The following LINGO2 variants were observed in gnomAD, a reference collection of about 807,000 sequenced individuals.
LINGO2 encodes leucine rich repeat and Ig domain containing 2.
Under a neutral mutation model 30.6 loss-of-function variants are expected in LINGO2, and 14 were observed. The ratio of observed to expected loss-of-function variants is 0.46; its 90% confidence interval spans 0.30 to 0.72. LINGO2 has a LOEUF of 0.72. LINGO2 is among the 30% of genes least tolerant of loss of function. The pLI is 0.07. For synonymous variants in LINGO2, 317 were observed against 288.5 expected, an observed-to-expected ratio of 1.10 and a Z score of -1.00; for missense variants, 729 against 751.7, an observed-to-expected ratio of 0.97 and a Z score of 0.35.
the LINGO2 span, among the ~76,000 whole-genome samples, chr9:28,716,173 C>A: frequency 1.3e-5 from 2 of 148,404 alleles, no homozygotes. Flanking sequence ...AAAAAAAAAA[C>A]AACATAAACA....
At chr9:29,048,584 G>A in the LINGO2 span, among the ~76,000 whole-genome samples, 1 of 152,046 alleles carries the variant, frequency 6.6e-6, no homozygotes, top group Non-Finnish European at 1.5e-5. Context: ...TACAGAGCTA[G>A]AGTAACCAAA....
At chr9:28,648,419 T>G (rs944329706) in intron 1 of LINGO2, among the ~76,000 whole-genome samples, 2 of 152,098 alleles carry the variant, frequency 1.3e-5, no homozygotes, top group African/African-American at 4.8e-5. Flanking sequence ...AGGTAGACAT[T>G]CTTTTAAGGA....
At chr9:28,999,842 G>C in the LINGO2 span, among the ~76,000 whole-genome samples, 3 of 151,878 alleles carry the variant, frequency 2.0e-5, no homozygotes, top group African/African-American at 7.2e-5. Context: ...TGCAAATTTG[G>C]AGCTTTACTC....
chr9:28,945,391 T>A, the LINGO2 span, among the ~76,000 whole-genome samples: 1 of 152,180 alleles, frequency 6.6e-6, no homozygotes, highest in Non-Finnish European at 1.5e-5. Flanking sequence ...TTTTTATAAG[T>A]ACGTGGAATC....
At chr9:29,020,941 CTAAAT>C in the LINGO2 span, among the ~76,000 whole-genome samples, 1 of 151,764 alleles carries the variant, frequency 6.6e-6, no homozygotes, top group African/African-American at 2.4e-5. Flanking sequence ...TTTATTCAAA[CTAAAT>C]TAAAATAAGC....
chr9:28,447,233 A>C (rs1377012375), intron 2 of LINGO2, among the ~76,000 whole-genome samples: 1 of 152,150 alleles, frequency 6.6e-6, no homozygotes, highest in Non-Finnish European at 1.5e-5. Flanking sequence ...TCATATGCTG[A>C]AACCCAATCT....
intron 4 of LINGO2, among the ~76,000 whole-genome samples, chr9:28,064,024 C>T (rs1203518167): frequency 1.3e-5 from 2 of 152,004 alleles, no homozygotes; most frequent in Admixed American, 6.6e-5. Context: ...TAAAAAATAG[C>T]ATAAGACCAA....
At chr9:28,302,246 G>A (rs1010507825) in intron 3 of LINGO2, among the ~76,000 whole-genome samples, 31 of 152,172 alleles carry the variant, frequency 2.0e-4, no homozygotes, top group Admixed American at 1.4e-3. Context: ...TGGAGGGTAA[G>A]TGGTCTCACC....
At chr9:28,865,724 C>A in the LINGO2 span, among the ~76,000 whole-genome samples, 2 of 152,114 alleles carry the variant, frequency 1.3e-5, no homozygotes, top group Non-Finnish European at 2.9e-5. Flanking sequence ...GCAGAGGTTG[C>A]AGTGAGCCAA....
intron 5 of LINGO2, among the ~76,000 whole-genome samples, chr9:27,994,379 G>A (rs980820059): frequency 3.9e-5 from 6 of 152,082 alleles, no homozygotes; most frequent in Admixed American, 3.9e-4. Context: ...ACAAACATTT[G>A]ACTAGACTAA....
At chr9:28,752,782 A>T in the LINGO2 span, among the ~76,000 whole-genome samples, 2 of 152,060 alleles carry the variant, frequency 1.3e-5, no homozygotes, top group Non-Finnish European at 2.9e-5. Flanking sequence ...TTTGGGCTTT[A>T]TACAGAAAAA....
At chr9:28,260,298 C>T (rs1322284740) in intron 4 of LINGO2, among the ~76,000 whole-genome samples, 1 of 150,360 alleles carries the variant, frequency 6.7e-6, no homozygotes, top group African/African-American at 2.5e-5. Flanking sequence ...AGAACTAATG[C>T]TTCACTCTTG....
chr9:28,639,445 G>A (rs1373843725), intron 1 of LINGO2, among the ~76,000 whole-genome samples: 7 of 150,936 alleles, frequency 4.6e-5, no homozygotes, highest in Non-Finnish European at 1.0e-4. Flanking sequence ...TTATTATTGT[G>A]TGGGAGTCTA....
At chr9:28,717,238 C>T in the LINGO2 span, among the ~76,000 whole-genome samples, 2 of 151,368 alleles carry the variant, frequency 1.3e-5, no homozygotes, top group Non-Finnish European at 2.9e-5. Flanking sequence ...GGAGTGTGCC[C>T]ATCAGCTGCT....
At chr9:28,763,644 T>C in the LINGO2 span, among the ~76,000 whole-genome samples, 2 of 150,520 alleles carry the variant, frequency 1.3e-5, no homozygotes, top group Admixed American at 1.3e-4. Flanking sequence ...GAAAAAAAAA[T>C]TAAACTCAAA....
At chr9:28,976,098 C>T in the LINGO2 span, among the ~76,000 whole-genome samples, 1 of 152,078 alleles carries the variant, frequency 6.6e-6, no homozygotes, top group African/African-American at 2.4e-5. Context: ...GGCTGTGATC[C>T]TCCTTTGACA....
the LINGO2 span, among the ~76,000 whole-genome samples, chr9:28,675,981 A>G: frequency 6.7e-6 from 1 of 149,616 alleles, no homozygotes; most frequent in Non-Finnish European, 1.5e-5. Flanking sequence ...ATTTAAAAAT[A>G]ACATTTTAAA....
the LINGO2 span, among the ~76,000 whole-genome samples, chr9:28,812,962 A>G: frequency 6.6e-6 from 1 of 152,052 alleles, no homozygotes; most frequent in Non-Finnish European, 1.5e-5. Flanking sequence ...TATGAATGAT[A>G]TTTCCAACGG....
intron 1 of LINGO2, among the ~76,000 whole-genome samples, chr9:28,556,223 A>G (rs1822678118): frequency 6.6e-6 from 1 of 152,118 alleles, no homozygotes; most frequent in South Asian, 2.1e-4. Context: ...TTTGCAGACG[A>G]CATGATTGTA....
Sources: allele counts gnomAD v4.1 joint callset (sites outside exome capture counted in the v4.1 genomes callset), GRCh38; gene constraint gnomAD v4.1.1; transcripts MANE v1.5; gene names NCBI Gene and HGNC (gene_info 2026-07-23, HGNC 2026-07-21).